Variants in PIEZO2 observed in about 807,000 individuals in gnomAD.
The protein encoded by PIEZO2 is piezo type mechanosensitive ion channel component 2.
PIEZO2 carries 172 observed loss-of-function variants against 337.3 expected under a neutral mutation model. That is an observed-to-expected ratio of 0.51 (90% CI 0.45 to 0.58). PIEZO2 has a LOEUF of 0.58. PIEZO2 is among the 20% of genes least tolerant of loss of function. The pLI, the probability that PIEZO2 is intolerant of heterozygous loss-of-function variation, is 0.00. For synonymous variants in PIEZO2, 1,251 were observed against 1,228.5 expected (o/e 1.02, Z -0.38); for missense variants, 3,028 against 3,391.3 (o/e 0.89, Z 2.66).
rs1338652332 is a variant in PIEZO2, at chr18:11,129,779, C to G, written c.64+18746G>C. Among the ~76,000 whole-genome samples the G allele has an allele frequency of 1.3e-5, 2 of 152,148 alleles. No homozygotes were observed. Among genetic ancestry groups the G allele is most frequent in the Non-Finnish European group, 2.9e-5 (2 of 68,018 alleles). On this transcript the variant is annotated intron_variant, in intron 1 of 55. Coordinates refer to ENST00000674853, the MANE Select transcript of PIEZO2 (RefSeq NM_001378183.1). The surrounding 1 kb of genome is among the most constrained non-coding windows in gnomAD (Gnocchi z 4.6). ...AGGGACTACTGGCTCTGGCTCTGAG[C>G]TGACGTTGGATCCAGGGGACCCAAA...
At chr18:11,076,699 T>C (rs1414648971) in intron 1 of PIEZO2, among the ~76,000 whole-genome samples, 1 of 152,212 alleles carries the variant, frequency 6.6e-6, no homozygotes, top group African/African-American at 2.4e-5. Context: ...CTTCACATCA[T>C]ATATTAGTAA....
rs1282333840 is a variant in PIEZO2 at position 11,143,011 on chromosome 18, G to A, written c.64+5514C>T. ...GGAGAATGGCATGAACCCAGGAGGC[G>A]GAGCTTGCAGTGAGCCAAGATCACG... On this transcript the variant is annotated intron_variant, in intron 1 of 55. Coordinates refer to ENST00000674853, the MANE Select transcript of PIEZO2 (RefSeq NM_001378183.1). This position sits in a 1 kb window ranked among gnomAD's most constrained non-coding sequence, Gnocchi z 4.9. Among the ~76,000 whole-genome samples, 2 of 152,246 alleles carry A rather than the reference G, an allele frequency of 1.3e-5. No individual in the cohort carries two copies. Among genetic ancestry groups the A allele is most frequent in the South Asian group, 4.1e-4 (2 of 4,824 alleles).
Position 11,125,969 on chromosome 18 carries a change from G to A in PIEZO2, c.64+22556C>T, listed in dbSNP as rs550599072. ...TGCCTACCATAAGATGGACAGACAA[G>A]TAGCACGTGACTGTGGTTTTATCCA... On this transcript the variant is annotated intron_variant, in intron 1 of 55. Transcript: ENST00000674853. This position sits in a 1 kb window ranked among gnomAD's most constrained non-coding sequence, Gnocchi z 4.4. Among the ~76,000 whole-genome samples, 1 of 152,352 alleles carries A rather than the reference G, an allele frequency of 6.6e-6. No individual in the cohort carries two copies. The highest frequency in any genetic ancestry group is 1.9e-4 in the East Asian group (1 of 5,182).
At chr18:10,751,729 C>A (rs933289062) in intron 28 of PIEZO2, among the ~76,000 whole-genome samples, 1 of 152,192 alleles carries the variant, frequency 6.6e-6, no homozygotes, top group East Asian at 1.9e-4. Context: ...CAGTTACAGC[C>A]TGGGAGACTG....
chr18:10,731,177 T>TAGATA lies in PIEZO2; in HGVS notation c.5029+229_5029+230insTATCT, dbSNP rs1555633703. Among the ~76,000 whole-genome samples the TAGATA allele has an allele frequency of 2.2e-3, 78 of 35,208 alleles. 1 individual carries two copies. The highest frequency in any genetic ancestry group is 8.9e-3 in the African/African-American group (69 of 7,736). 23.1% of individuals were successfully genotyped at this position (35,208 alleles called of 152,430 possible). Reference sequence around the variant, plus strand: ...CTCTCCTTTTTTCCTACTTAAAAGATTATATATATATATATATATATATAT... The same window carrying TAGATA: ...CTCTCCTTTTTTCCTACTTAAAAGATAGATATATATATATATATATATATATATAT... On this transcript the variant is annotated intron_variant, in intron 36 of 55. Coordinates refer to ENST00000674853, the MANE Select transcript of PIEZO2 (RefSeq NM_001378183.1).
chr18:11,109,186 C>T lies in PIEZO2; in HGVS notation c.64+39339G>A, dbSNP rs1000355354. Among the ~76,000 whole-genome samples the T allele has an allele frequency of 3.9e-5, 6 of 152,198 alleles. No homozygotes were observed. The highest frequency in any genetic ancestry group is 7.2e-5 in the African/African-American group (3 of 41,446). On this transcript the variant is annotated intron_variant, in intron 1 of 55. Transcript: ENST00000674853. The surrounding 1 kb of genome is among the most constrained non-coding windows in gnomAD (Gnocchi z 5.1). ...ACCACACATCTTGACAACTCCACCACGTCCATAACCTCATGGAAGTGCAGC... is the reference window on the plus strand; with the variant it reads ...ACCACACATCTTGACAACTCCACCATGTCCATAACCTCATGGAAGTGCAGC...
At chr18:11,124,267 G>A (rs570823810) in intron 1 of PIEZO2, among the ~76,000 whole-genome samples, 5 of 152,256 alleles carry the variant, frequency 3.3e-5, no homozygotes, top group South Asian at 2.1e-4. Context: ...TAATCAGATC[G>A]TTTGGCTACT....
At chr18:10,928,295 TCAAA>T (rs1445737088) in intron 3 of PIEZO2, among the ~76,000 whole-genome samples, 2 of 152,138 alleles carry the variant, frequency 1.3e-5, no homozygotes, top group Non-Finnish European at 2.9e-5. Flanking sequence ...ATCAAGCCTG[TCAAA>T]CAGACAGAAG....
In PIEZO2 at chr18:10,894,307, A is replaced by G. The variant is rs1174051808; in HGVS notation, c.329+16879T>C. Among the ~76,000 whole-genome samples, 1 of 151,910 alleles carries G rather than the reference A, an allele frequency of 6.6e-6. No individual in the cohort carries two copies. Among genetic ancestry groups the G allele is most frequent in the Non-Finnish European group, 1.5e-5 (1 of 68,038 alleles). ...TCTGTACTAAAAATACAAAAAAAACAGCCAGGCGTGGTGGTGGACGCCTGT... is the reference window on the plus strand; with the variant it reads ...TCTGTACTAAAAATACAAAAAAAACGGCCAGGCGTGGTGGTGGACGCCTGT... On this transcript the variant is annotated intron_variant, in intron 4 of 55. Coordinates refer to ENST00000674853, the MANE Select transcript of PIEZO2 (RefSeq NM_001378183.1). The surrounding 1 kb of genome is among the most constrained non-coding windows in gnomAD (Gnocchi z 4.1).
intron 5 of PIEZO2, among the ~76,000 whole-genome samples, chr18:10,866,548 G>A (rs1300035788): frequency 6.6e-6 from 1 of 152,144 alleles, no homozygotes; most frequent in East Asian, 1.9e-4. Context: ...CCCTCCCAAA[G>A]TGCTGGGATT....
chr18:10,954,157 C>A lies in PIEZO2; in HGVS notation c.286+25378G>T, dbSNP rs546456877. 6.6e-6 allele frequency among the ~76,000 whole-genome samples: 1 copy of A among 152,088 alleles called. No homozygotes were observed. The highest frequency in any genetic ancestry group is 2.4e-5 in the African/African-American group (1 of 41,398). ...TTTTTCATTTTCAAAATTACTTTGGCTATTGTAGTTTTTTTTCCATATATA... is the reference window on the plus strand; with the variant it reads ...TTTTTCATTTTCAAAATTACTTTGGATATTGTAGTTTTTTTTCCATATATA... On this transcript the variant is annotated intron_variant, in intron 3 of 55. Coordinates refer to ENST00000674853, the MANE Select transcript of PIEZO2 (RefSeq NM_001378183.1). This position sits in a 1 kb window ranked among gnomAD's most constrained non-coding sequence, Gnocchi z 4.2.
Position 10,752,816 on chromosome 18 carries a change from G to A in PIEZO2, c.3987C>T (p.Ile1329=). 2 of 1,537,224 alleles carry A rather than the reference G, an allele frequency of 1.3e-6. No individual in the cohort carries two copies. Among genetic ancestry groups the A allele is most frequent in the Non-Finnish European group, 1.7e-6 (2 of 1,146,908 alleles). Residue 1329 remains isoleucine, a synonymous_variant, in exon 28 of 56, where the codon ATC becomes ATT. Transcript: ENST00000674853. ...TCCTGGTGGTCCCAGTGATGAAGAT[G>A]ATGGTGAGCACAAACCAGAAGAGGT... ...FSYLFWFVLT[I]IFITGTTRIS... is the part of the protein sequence containing the mutation.
At chr18:10,949,942 A>T (rs1216952642) in intron 3 of PIEZO2, among the ~76,000 whole-genome samples, 1 of 152,214 alleles carries the variant, frequency 6.6e-6, no homozygotes, top group East Asian at 1.9e-4. Flanking sequence ...ACAGCAATAC[A>T]TTTCAAATAC....
intron 11 of PIEZO2, among the ~76,000 whole-genome samples, chr18:10,799,585 T>TA (rs2039730581): frequency 6.6e-6 from 1 of 152,092 alleles, no homozygotes; most frequent in South Asian, 2.1e-4. Context: ...GTGGTCTCCT[T>TA]CAACATAAAC....
intron 3 of PIEZO2, among the ~76,000 whole-genome samples, chr18:10,966,191 T>A (rs2033990177): frequency 6.6e-6 from 1 of 152,200 alleles, no homozygotes; most frequent in South Asian, 2.1e-4. Flanking sequence ...CTTCACCAGC[T>A]CCTCAAGCCA....
At chr18:10,770,733 C>CCCTT (rs371395751) in intron 20 of PIEZO2, among the ~76,000 whole-genome samples, 65 of 138,772 alleles carry the variant, frequency 4.7e-4, no homozygotes, top group East Asian at 1.5e-3. Flanking sequence ...CACCCTCCCT[C>CCCTT]CCTTCCTTCC....
chr18:10,767,929 C>T lies in PIEZO2; in HGVS notation c.2946+2219G>A, dbSNP rs1008428814. On this transcript the variant is annotated intron_variant, in intron 21 of 55. Coordinates refer to ENST00000674853, the MANE Select transcript of PIEZO2 (RefSeq NM_001378183.1). The surrounding 1 kb of genome is among the most constrained non-coding windows in gnomAD (Gnocchi z 4.2). Reference sequence around the variant, plus strand: ...TTACCCGCCAGTTGCCAGCCCAGAGCGTGAGGCCATCATGGGATGGCACAG... The same window carrying T: ...TTACCCGCCAGTTGCCAGCCCAGAGTGTGAGGCCATCATGGGATGGCACAG... 2.0e-5 allele frequency among the ~76,000 whole-genome samples: 3 copies of T among 152,208 alleles called. No individual in the cohort carries two copies. Among genetic ancestry groups the T allele is most frequent in the Non-Finnish European group, 4.4e-5 (3 of 68,034 alleles).
chr18:10,791,340 C>T lies in PIEZO2; in HGVS notation c.1759-16G>A. The T allele has an allele frequency of 6.8e-7, 1 of 1,474,878 alleles. No individual in the cohort carries two copies. The highest frequency in any genetic ancestry group is 9.0e-7 in the Non-Finnish European group (1 of 1,116,766). The allele number at this position is 1,474,878 out of a possible 1,614,324, so 91.4% of individuals were successfully genotyped here. A position where few individuals can be genotyped will look rare whatever the true frequency, so the allele number is the denominator to read the frequency against. On this transcript the variant is annotated splice_polypyrimidine_tract_variant and intron_variant, in intron 13 of 55. Coordinates refer to ENST00000674853, the MANE Select transcript of PIEZO2 (RefSeq NM_001378183.1). ...TGAAAAGGATCTGAAAGTAGAGAAG[C>T]AGCAAAACAAGAATTAAGCAACCAT...
chr18:11,006,192 TC>T (rs1309201347), intron 2 of PIEZO2, among the ~76,000 whole-genome samples: 1 of 152,164 alleles, frequency 6.6e-6, no homozygotes, highest in African/African-American at 2.4e-5. Flanking sequence ...CTTCACCACT[TC>T]ACTACTTGTA....
Sources: gnomAD v4.1 joint callset for allele counts (sites outside exome capture counted in the v4.1 genomes callset) on GRCh38, gnomAD v4.1.1 for gene constraint, Gnocchi (gnomAD v3.1) non-coding constraint, MANE v1.5 for transcripts, NCBI Gene and HGNC (gene_info 2026-07-23, HGNC 2026-07-21) for gene names.